The following HSD17B12 variants were observed in gnomAD, a reference collection of about 807,000 sequenced individuals.
HSD17B12 encodes the protein hydroxysteroid 17-beta dehydrogenase 12.
HSD17B12 carries 32 observed loss-of-function variants against 39.3 expected under a neutral mutation model. The ratio of observed to expected loss-of-function variants is 0.81; its 90% CI spans 0.61 to 1.09. HSD17B12 has a LOEUF of 1.09. HSD17B12 is among the 50% of genes least tolerant of loss of function. The pLI is 0.00. For synonymous variants in HSD17B12, 150 were observed against 146.7 expected, an observed-to-expected ratio of 1.02 and a Z score of -0.16; for missense variants, 342 against 382.9, an observed-to-expected ratio of 0.89 and a Z score of 0.89.
At chr11:43,765,984 C>T (rs539283304) in intron 3 of HSD17B12, among the ~76,000 whole-genome samples, 12 of 152,138 alleles carry the variant, frequency 7.9e-5, no homozygotes, top group Admixed American at 2.0e-4. Flanking sequence ...CGCCACTGCG[C>T]CCGGCTAATT....
At chr11:43,602,839 G>C in the HSD17B12 span, among the ~76,000 whole-genome samples, 1 of 151,894 alleles carries the variant, frequency 6.6e-6, no homozygotes, top group African/African-American at 2.4e-5. Flanking sequence ...GTTTGAATCT[G>C]GGCCTGAGTG....
chr11:43,582,003 C>G, the HSD17B12 span, among the ~76,000 whole-genome samples: 1 of 152,024 alleles, frequency 6.6e-6, no homozygotes, highest in South Asian at 2.1e-4. Flanking sequence ...TGCGGGGGAC[C>G]CGGAGGTGAG....
At chr11:43,727,222 T>G (rs181529970) in intron 1 of HSD17B12, among the ~76,000 whole-genome samples, 37 of 152,302 alleles carry the variant, frequency 2.4e-4, no homozygotes, top group Non-Finnish European at 3.7e-4. Context: ...TTAGACTGAG[T>G]AGCCCTTGTC....
chr11:43,771,856 G>C (rs557759071), intron 3 of HSD17B12, among the ~76,000 whole-genome samples: 1 of 152,222 alleles, frequency 6.6e-6, no homozygotes, highest in East Asian at 1.9e-4. Flanking sequence ...CATTTCTCAA[G>C]ATCATATTAC....
At chr11:43,669,586 C>T in the HSD17B12 span, among the ~76,000 whole-genome samples, 1 of 152,132 alleles carries the variant, frequency 6.6e-6, no homozygotes, top group Admixed American at 6.5e-5. Context: ...GGGCCATGCC[C>T]TCTCTGCAGG....
chr11:43,703,530 G>A (rs1271718081), intron 1 of HSD17B12, among the ~76,000 whole-genome samples: 2 of 152,198 alleles, frequency 1.3e-5, no homozygotes, highest in Non-Finnish European at 2.9e-5. Flanking sequence ...GAATTCAGTA[G>A]TGAACCCATC....
the HSD17B12 span, among the ~76,000 whole-genome samples, chr11:43,652,216 G>A: frequency 6.6e-6 from 1 of 152,054 alleles, no homozygotes; most frequent in Non-Finnish European, 1.5e-5. Flanking sequence ...TACATTTCCT[G>A]GTTTTAACAA....
At chr11:43,657,752 A>G in the HSD17B12 span, among the ~76,000 whole-genome samples, 130 of 152,152 alleles carry the variant, frequency 8.5e-4, no homozygotes, top group Non-Finnish European at 1.5e-3. Context: ...TGGCTTATAG[A>G]GTTTCTGCTG....
At chr11:43,616,084 G>A in the HSD17B12 span, among the ~76,000 whole-genome samples, 6 of 152,154 alleles carry the variant, frequency 3.9e-5, no homozygotes, top group Non-Finnish European at 7.3e-5. Flanking sequence ...GAAGGCAAAC[G>A]GGAAAGGTCT....
At chr11:43,639,262 T>C in the HSD17B12 span, among the ~76,000 whole-genome samples, 2 of 152,330 alleles carry the variant, frequency 1.3e-5, no homozygotes, top group Admixed American at 1.3e-4. Context: ...ATTGGACGCT[T>C]CAACCTTGCC....
At chr11:43,643,542 A>G in the HSD17B12 span, among the ~76,000 whole-genome samples, 1 of 152,134 alleles carries the variant, frequency 6.6e-6, no homozygotes, top group Admixed American at 6.5e-5. Context: ...TATATTTCTG[A>G]TTATCTATCA....
chr11:43,728,268 G>A (rs1189933227), intron 1 of HSD17B12, among the ~76,000 whole-genome samples: 1 of 152,054 alleles, frequency 6.6e-6, no homozygotes, highest in Admixed American at 6.5e-5. Context: ...GTTTCACCAT[G>A]TTGGCCGGGC....
the HSD17B12 span, among the ~76,000 whole-genome samples, chr11:43,656,532 G>T: frequency 1.1e-4 from 16 of 151,814 alleles, no homozygotes; most frequent in African/African-American, 3.6e-4. Context: ...TCTCTTGTGG[G>T]CATTTAGTGC....
intron 3 of HSD17B12, among the ~76,000 whole-genome samples, chr11:43,768,919 A>G (rs915020201): frequency 2.0e-5 from 3 of 152,272 alleles, no homozygotes; most frequent in African/African-American, 7.2e-5. Flanking sequence ...TGCATTTACA[A>G]TCCTCTAGCT....
chr11:43,613,176 G>A, the HSD17B12 span, among the ~76,000 whole-genome samples: 3 of 152,076 alleles, frequency 2.0e-5, no homozygotes, highest in Non-Finnish European at 4.4e-5. Context: ...GGCCAAGGCG[G>A]GCAAATCACT....
Position 43,680,742 on chromosome 11 carries a change from T to C in HSD17B12, c.-86T>C. ...GTCGGAGCAGCGCCTATTAGTGTCA[T>C]CCTCACCGTCACGGCCGGCGCCTCC... On this transcript the variant is annotated 5_prime_UTR_variant, in exon 1 of 11. Coordinates refer to ENST00000278353, the MANE Select transcript of HSD17B12 (RefSeq NM_016142.3). The C allele has an allele frequency of 8.1e-7, 1 of 1,239,098 alleles. No individual in the cohort carries two copies. Among genetic ancestry groups the C allele is most frequent in the Non-Finnish European group, 1.2e-6 (1 of 843,608 alleles). The allele number at this position is 1,239,098 out of a possible 1,614,324, so 76.8% of individuals were successfully genotyped here.
chr11:43,664,428 G>A, the HSD17B12 span, among the ~76,000 whole-genome samples: 6 of 152,152 alleles, frequency 3.9e-5, no homozygotes, highest in African/African-American at 1.4e-4. Flanking sequence ...AAAACAGCAG[G>A]CCTCAGAGTT....
chr11:43,827,020 G>A (rs1037146639), intron 6 of HSD17B12, among the ~76,000 whole-genome samples: 1 of 152,138 alleles, frequency 6.6e-6, no homozygotes, highest in East Asian at 1.9e-4. Context: ...CTTCCAAATT[G>A]TGTGGGTACG....
chr11:43,847,931 A>G (rs11037672), intron 9 of HSD17B12, among the ~76,000 whole-genome samples: 4,095 of 152,210 alleles, frequency 0.027, 171 homozygotes, highest in African/African-American at 0.079. Flanking sequence ...GAATTTTTTA[A>G]TGAAAGAAGA....
Sources: gnomAD v4.1 joint callset for allele counts (sites outside exome capture counted in the v4.1 genomes callset) on GRCh38, gnomAD v4.1.1 for gene constraint, MANE v1.5 for transcripts, NCBI Gene and HGNC (gene_info 2026-07-23, HGNC 2026-07-21) for gene names.